NBPF10: variants seen among roughly 807,000 people sequenced by gnomAD.
NBPF10 encodes the protein NBPF family member NBPF10.
In NBPF10, 63 loss-of-function variants were observed where a neutral mutation model predicts 77.9. That is an observed-to-expected ratio of 0.81 (90% CI 0.66 to 1.00). The LOEUF is 1.00. NBPF10 is among the 50% of genes least tolerant of loss of function. NBPF10 has a pLI of 0.00. For synonymous variants in NBPF10, 146 were observed against 264.5 expected (o/e 0.55, Z 4.35); for missense variants, 522 against 679.8 (o/e 0.77, Z 2.58).
rs3979920 is a variant in NBPF10, at chr1:146,136,229, G to A, written c.1091+124C>T. 2.2e-4 allele frequency: 182 copies of A among 826,492 alleles called. 2 individuals carry two copies. In the African/African-American group the frequency reaches 3.1e-3, roughly 14 times the overall value. 51.2% of individuals were successfully genotyped at this position (826,492 alleles called of 1,614,324 possible). On this transcript the variant is annotated intron_variant, in intron 7 of 89. Coordinates refer to ENST00000583866, the Ensembl canonical transcript of NBPF10. The stretch of plus-strand genomic sequence containing the variant: ...TCTGATAAATATTTGTGTGTAGCGA[G>A]CCTGCCATGGCAATTCCTGCCCTTC...
Position 146,139,996 on chromosome 1 carries a change from GC to G in NBPF10, c.590del (p.Ser197ThrfsTer46). 1.3e-6 allele frequency: 1 copy of G among 749,792 alleles called. No homozygotes were observed. The highest frequency in any genetic ancestry group is 1.6e-5 in the South Asian group (1 of 63,380). The allele number at this position is 749,792 out of a possible 1,614,324, so 46.4% of individuals were successfully genotyped here. On this transcript the variant is annotated frameshift_variant, in exon 5 of 90. Coordinates refer to ENST00000583866, the Ensembl canonical transcript of NBPF10. LOFTEE classifies it high-confidence loss of function. ...CCTCCAGTGAGTCCTCAGGGACTTT[GC>G]TCTCTTCAGCCTTCTGCACCTCCCT... is the stretch of plus-strand genomic sequence containing the variant.
rs1553789365 is a variant in NBPF10, at chr1:146,125,253, A to C, written c.2078+212T>G. ...CCATGCAGTTGCCATACAGCCTTTGAGGTATGGTCAACCTATAGTAAGTGA... is the reference window on the plus strand; with the variant it reads ...CCATGCAGTTGCCATACAGCCTTTGCGGTATGGTCAACCTATAGTAAGTGA... On this transcript the variant is annotated intron_variant, in intron 15 of 89. Coordinates refer to ENST00000583866, the Ensembl canonical transcript of NBPF10. 6.4e-5 allele frequency among the ~76,000 whole-genome samples: 2 copies of C among 31,412 alleles called. 1 individual carries two copies. The highest frequency in any genetic ancestry group is 3.8e-4 in the African/African-American group (2 of 5,208). 20.6% of individuals were successfully genotyped at this position (31,412 alleles called of 152,430 possible).
chr1:146,126,935 A>C, intron 13 of NBPF10, 93 bp downstream of exon 13: 1 of 510,886 alleles, frequency 2.0e-6, no homozygotes, highest in Non-Finnish European at 3.4e-6. Flanking sequence ...CTGACAAGAC[A>C]AAATCATTAT....
intron 1 of NBPF10, among the ~76,000 whole-genome samples, chr1:146,143,972 A>T (rs1236766001): frequency 6.6e-6 from 1 of 151,094 alleles, no homozygotes; most frequent in Non-Finnish European, 1.5e-5. Context: ...CTAGTCTCAA[A>T]CTGCTGACCT....
rs1289398464 is a variant in NBPF10 at position 146,123,481 on chromosome 1, C to CA, written c.2304-204dup. Among the ~76,000 whole-genome samples, 342 of 61,550 alleles carry CA rather than the reference C, an allele frequency of 5.6e-3. 1 individual carries two copies. The highest frequency in any genetic ancestry group is 0.023 in the African/African-American group (322 of 14,284). The allele number at this position is 61,550 out of a possible 152,430, so 40.4% of individuals were successfully genotyped here. A position where few individuals can be genotyped will look rare whatever the true frequency, so the allele number is the denominator to read the frequency against. ...TGAAAGAGAAAGACAGATAGACACA[C>CA]ACACACACACACACACACACACACA... On this transcript the variant is annotated intron_variant, in intron 17 of 89. Coordinates refer to ENST00000583866, the Ensembl canonical transcript of NBPF10.
At chr1:146,127,906 G>A (rs1304650401) in intron 12 of NBPF10, among the ~76,000 whole-genome samples, 2 of 144,690 alleles carry the variant, frequency 1.4e-5, no homozygotes, top group Non-Finnish European at 3.0e-5. Flanking sequence ...GCACGGGCAT[G>A]GCCTGAGACT....
chr1:146,123,837 TA>T, intron 17 of NBPF10, 89 bp downstream of exon 17: 1 of 381,766 alleles, frequency 2.6e-6, no homozygotes, highest in Non-Finnish European at 4.4e-6. Context: ...TGAAGAGATG[TA>T]ATCGATAATG....
Position 146,126,423 on chromosome 1 carries a change from AAAAGT to A in NBPF10, c.1854-20_1854-16del. The A allele has an allele frequency of 9.2e-7, 1 of 1,088,762 alleles. No homozygotes were observed. Among genetic ancestry groups the A allele is most frequent in the Non-Finnish European group, 1.4e-6 (1 of 708,328 alleles). 67.4% of individuals were successfully genotyped at this position (1,088,762 alleles called of 1,614,324 possible). On this transcript the variant is annotated splice_polypyrimidine_tract_variant and intron_variant, in intron 13 of 89. Coordinates refer to ENST00000583866, the Ensembl canonical transcript of NBPF10. ...CCCTGCTGAGCGTGGAAAAGTAGGA[AAAAGT>A]AAAGAATAAGCCAGGGGGAATCAGA...
chr1:146,126,286 G>T (rs782224083), exon 14 of NBPF10: 10 of 1,605,074 alleles, frequency 6.2e-6, no homozygotes, highest in African/African-American at 2.7e-5. Context: ...TATGTAAAAG[G>T]CACTTCTGTA....
Position 146,138,767 on chromosome 1 carries a change from T to A in NBPF10, c.779-322A>T, listed in dbSNP as rs1286825251. ...CACAAAAGATTTCATTTTGCTTTTTTAATTTTTTTCTTTTTTGGTTTTTTG... is the reference window on the plus strand; with the variant it reads ...CACAAAAGATTTCATTTTGCTTTTTAAATTTTTTTCTTTTTTGGTTTTTTG... On this transcript the variant is annotated intron_variant, in intron 5 of 89. Coordinates refer to ENST00000583866, the Ensembl canonical transcript of NBPF10. Among the ~76,000 whole-genome samples the A allele has an allele frequency of 3.1e-5, 4 of 127,270 alleles. No homozygotes were observed. The East Asian group carries it at 9.9e-4, about 31-fold the overall frequency. The allele number at this position is 127,270 out of a possible 152,430, so 83.5% of individuals were successfully genotyped here. A position where few individuals can be genotyped will look rare whatever the true frequency, so the allele number is the denominator to read the frequency against.
chr1:146,068,135 A>G, exon 88 of NBPF10: 4 of 490,594 alleles, frequency 8.2e-6, no homozygotes. Context: ...GAGTCCTGCA[A>G]GACTTCAGGC....
At chr1:146,141,861 G>C in intron 2 of NBPF10, 43 bp from the exon 3 acceptor site, 3 of 1,190,344 alleles carry the variant, frequency 2.5e-6, no homozygotes, top group East Asian at 2.7e-5. Context: ...AGAAAGGGTT[G>C]AGTGATCCGT....
chr1:146,072,179 T>A, intron 82 of NBPF10, among the ~76,000 whole-genome samples, 160 bp from the exon 83 acceptor site: 1 of 18,520 alleles, frequency 5.4e-5, no homozygotes, highest in African/African-American at 3.5e-4. Flanking sequence ...GGTCATGATA[T>A]TCTTTGGTTT....
At chr1:146,125,904 AT>A (rs1285898677) in intron 14 of NBPF10, among the ~76,000 whole-genome samples, 2 of 151,508 alleles carry the variant, frequency 1.3e-5, no homozygotes, top group African/African-American at 4.8e-5. Context: ...AGACGCTGAA[AT>A]TAGAGTAAAG....
intron 89 of NBPF10, 62 bp downstream of exon 89, chr1:146,067,118 C>G (rs1237354373): frequency 1.6e-6 from 1 of 626,226 alleles, no homozygotes; most frequent in African/African-American, 1.8e-5. Flanking sequence ...CTCTGGTTTC[C>G]CTGAATCTGT....
In NBPF10 at chr1:146,066,920, T is replaced by A. The variant is rs1481097797; in HGVS notation, c.11144+260A>T. Among the ~76,000 whole-genome samples, 18 of 146,186 alleles carry A rather than the reference T, an allele frequency of 1.2e-4. No homozygotes were observed. The East Asian group carries it at 2.6e-3, about 21-fold the overall frequency. ...AAAGAGTGAGCTCAATAGTTTTCCA[T>A]AAAATATGCTCAAAATTCGATGCAG... On this transcript the variant is annotated intron_variant, in intron 89 of 89. Coordinates refer to ENST00000583866, the Ensembl canonical transcript of NBPF10.
intron 5 of NBPF10, among the ~76,000 whole-genome samples, chr1:146,139,274 T>C (rs1553796292): frequency 1.3e-5 from 2 of 151,046 alleles, no homozygotes; most frequent in Admixed American, 1.3e-4. Flanking sequence ...TATTTTTTTT[T>C]TTTTTTTTGT....
intron 7 of NBPF10, 59 bp downstream of exon 7, chr1:146,136,294 G>A (rs879953580): frequency 3.3e-6 from 3 of 910,982 alleles, no homozygotes; most frequent in African/African-American, 3.5e-5. Flanking sequence ...CCACCGAGCT[G>A]CTGTACTTCA....
chr1:146,127,911 G>T (rs1553790902), intron 12 of NBPF10, among the ~76,000 whole-genome samples: 1 of 145,984 alleles, frequency 6.9e-6, no homozygotes, highest in Admixed American at 6.9e-5. Flanking sequence ...GGCATGGCCT[G>T]AGACTAGGAA....
Sources: allele counts gnomAD v4.1 joint callset (sites outside exome capture counted in the v4.1 genomes callset), GRCh38; gene constraint gnomAD v4.1.1; transcripts MANE v1.5; gene names NCBI Gene and HGNC (gene_info 2026-07-23, HGNC 2026-07-21).